The following AUTS2 variants were observed in gnomAD, a reference collection of about 807,000 sequenced individuals.
AUTS2 encodes activator of transcription and developmental regulator AUTS2.
Under a neutral mutation model 112.4 loss-of-function variants are expected in AUTS2, and 17 were observed. The observed-to-expected ratio is 0.15, with a 90% CI of 0.10 to 0.23. The LOEUF is 0.23. AUTS2 is among the 10% of genes least tolerant of loss of function. The pLI is 1.00. For synonymous variants in AUTS2, 751 were observed against 702.7 expected (o/e 1.07, Z -1.09); for missense variants, 1,510 against 1,701.6 (o/e 0.89, Z 1.98).
At chr7:70,002,612 A>T (rs990384288) in intron 2 of AUTS2, among the ~76,000 whole-genome samples, 4 of 152,158 alleles carry the variant, frequency 2.6e-5, no homozygotes, top group African/African-American at 9.7e-5. Flanking sequence ...TCCAACTGTG[A>T]AAATAGAGAA....
chr7:70,270,155 A>C (rs563367550), intron 4 of AUTS2, among the ~76,000 whole-genome samples: 154 of 152,304 alleles, frequency 1.0e-3, no homozygotes, highest in African/African-American at 3.6e-3. Flanking sequence ...TAGTCTTGGG[A>C]AATAAATTCT....
chr7:70,605,546 C>CTTTTTTTTTTTTTTTTTTTTTTTTTTTTT, intron 5 of AUTS2, among the ~76,000 whole-genome samples: 5 of 70,664 alleles, frequency 7.1e-5, no homozygotes, highest in South Asian at 6.7e-4. Context: ...CCTTCTTTCT[C>CTTTTTTTTTTTTTTTTTTTTTTTTTTTTT]TTTTTTTTTT....
At chr7:70,773,967 C>G in intron 11 of AUTS2, 61 bp from the exon 12 acceptor site, 2 of 1,492,834 alleles carry the variant, frequency 1.3e-6, no homozygotes, top group Non-Finnish European at 1.9e-6. Flanking sequence ...AGGGAAGGAT[C>G]TTGCTTTCAT....
At chr7:70,218,079 T>A (rs1413768392) in intron 4 of AUTS2, among the ~76,000 whole-genome samples, 1 of 152,202 alleles carries the variant, frequency 6.6e-6, no homozygotes, top group Admixed American at 6.5e-5. Flanking sequence ...TGCCCATGCA[T>A]ACACTACTCC....
At chr7:70,511,095 C>T (rs934409380) in intron 5 of AUTS2, among the ~76,000 whole-genome samples, 16 of 152,060 alleles carry the variant, frequency 1.1e-4, no homozygotes, top group South Asian at 4.1e-4. Flanking sequence ...TTTATCTGCC[C>T]GCCTCAGCCT....
In AUTS2 at chr7:70,623,530, A is replaced by T. The variant is rs573113290; in HGVS notation, c.691-75039A>T. Among the ~76,000 whole-genome samples, 40 of 152,348 alleles carry T rather than the reference A, an allele frequency of 2.6e-4. 1 individual carries two copies. In the South Asian group the frequency reaches 6.6e-3, roughly 25 times the overall value. On this transcript the variant is annotated intron_variant, in intron 5 of 18. Coordinates refer to ENST00000342771, the MANE Select transcript of AUTS2 (RefSeq NM_015570.4). ...CCTCAGTGACACACTAGCCAGTTTC[A>T]AGAGTACAGTGGTCACTCTTGTCAC... is the stretch of plus-strand genomic sequence containing the variant.
chr7:70,164,749 G>A (rs1054240987), intron 4 of AUTS2, among the ~76,000 whole-genome samples: 4 of 151,890 alleles, frequency 2.6e-5, no homozygotes, highest in African/African-American at 4.8e-5. Flanking sequence ...CTTGAAAGAA[G>A]TAGTTACCCA....
At chr7:69,809,387 C>T (rs933904629) in intron 1 of AUTS2, among the ~76,000 whole-genome samples, 1 of 152,148 alleles carries the variant, frequency 6.6e-6, no homozygotes, top group Non-Finnish European at 1.5e-5. Flanking sequence ...CGATCATAGA[C>T]ATCATTTTCT....
At chr7:70,493,505 G>C (rs546123481) in intron 5 of AUTS2, among the ~76,000 whole-genome samples, 2 of 152,028 alleles carry the variant, frequency 1.3e-5, no homozygotes, top group Admixed American at 6.5e-5. Flanking sequence ...TTCTATTCTG[G>C]CCAAGTCTTG....
chr7:69,932,792 C>A (rs1056527381), intron 2 of AUTS2, among the ~76,000 whole-genome samples: 2 of 152,110 alleles, frequency 1.3e-5, no homozygotes, highest in African/African-American at 4.8e-5. Context: ...TATGAGTGTA[C>A]GATAGTGGCT....
chr7:70,311,081 T>C (rs1422227168), intron 4 of AUTS2, among the ~76,000 whole-genome samples: 4 of 152,234 alleles, frequency 2.6e-5, no homozygotes, highest in African/African-American at 9.6e-5. Flanking sequence ...GAGATGCCTA[T>C]GTCCCTATAA....
intron 4 of AUTS2, among the ~76,000 whole-genome samples, chr7:70,181,244 T>C (rs530011181): frequency 1.1e-4 from 16 of 152,374 alleles, no homozygotes; most frequent in South Asian, 6.2e-4. Context: ...AATGTTTCTG[T>C]GAACATGCTT....
At chr7:69,823,703 T>C (rs1348138708) in intron 1 of AUTS2, among the ~76,000 whole-genome samples, 1 of 152,094 alleles carries the variant, frequency 6.6e-6, no homozygotes, top group Non-Finnish European at 1.5e-5. Context: ...TATCATGACA[T>C]TGATTTTTCT....
At chr7:70,609,935 C>T (rs562951565) in intron 5 of AUTS2, among the ~76,000 whole-genome samples, 1 of 151,026 alleles carries the variant, frequency 6.6e-6, no homozygotes, top group South Asian at 2.1e-4. Flanking sequence ...AGTGGAATTG[C>T]TGAATCATAT....
At chr7:69,675,708 T>C (rs552161802) in intron 1 of AUTS2, among the ~76,000 whole-genome samples, 22 of 152,098 alleles carry the variant, frequency 1.4e-4, no homozygotes, top group African/African-American at 5.1e-4. Flanking sequence ...GGTTTCTCTA[T>C]GCTGGCCAGG....
intron 5 of AUTS2, among the ~76,000 whole-genome samples, chr7:70,611,762 A>ACACT (rs1585376987): frequency 6.6e-6 from 1 of 152,354 alleles, no homozygotes; most frequent in Non-Finnish European, 1.5e-5. Flanking sequence ...TGAAAATCTC[A>ACACT]CACTCACTCA....
intron 4 of AUTS2, among the ~76,000 whole-genome samples, chr7:70,367,285 G>C (rs140596148): frequency 6.6e-6 from 1 of 151,002 alleles, no homozygotes; most frequent in Non-Finnish European, 1.5e-5. Context: ...GGCCAGGCAC[G>C]GTGGCTCATG....
chr7:69,916,083 A>G (rs991455679), intron 2 of AUTS2, among the ~76,000 whole-genome samples: 1 of 152,232 alleles, frequency 6.6e-6, no homozygotes, highest in African/African-American at 2.4e-5. Flanking sequence ...TTGAACAATT[A>G]CGTGATCTCA....
chr7:70,126,525 G>A (rs1805978762), intron 3 of AUTS2, among the ~76,000 whole-genome samples: 1 of 152,146 alleles, frequency 6.6e-6, no homozygotes, highest in Admixed American at 6.6e-5. Context: ...ACATCAAGGA[G>A]ACATAGTAAC....
Sources: allele counts gnomAD v4.1 joint callset (sites outside exome capture counted in the v4.1 genomes callset), GRCh38; gene constraint gnomAD v4.1.1; transcripts MANE v1.5; gene names NCBI Gene and HGNC (gene_info 2026-07-23, HGNC 2026-07-21).